The following PRIMPOL variants were observed in gnomAD, a reference collection of about 807,000 sequenced individuals.
PRIMPOL encodes the protein DNA-directed primase/polymerase protein.
Under a neutral mutation model 63.6 loss-of-function variants are expected in PRIMPOL, and 54 were observed. That is an observed-to-expected ratio of 0.85 (90% CI 0.68 to 1.07). The LOEUF is 1.07. Ranked by LOEUF, PRIMPOL falls within the 50% of genes least tolerant of loss-of-function variation. The pLI is 0.00. For synonymous variants in PRIMPOL, 197 were observed against 220.2 expected, an observed-to-expected ratio of 0.89 and a Z score of 0.93; for missense variants, 610 against 648.3, an observed-to-expected ratio of 0.94 and a Z score of 0.64.
intron 11 of PRIMPOL, among the ~76,000 whole-genome samples, chr4:184,689,094 G>A (rs1757769970): frequency 6.6e-6 from 1 of 151,984 alleles, no homozygotes; most frequent in South Asian, 2.1e-4. Flanking sequence ...GCCCAGGCTT[G>A]AGTGCAGTGT....
chr4:184,657,358 C>T (rs1746752963), intron 3 of PRIMPOL, 38 bp downstream of exon 3: 3 of 1,432,576 alleles, frequency 2.1e-6, no homozygotes, highest in Non-Finnish European at 2.9e-6. Flanking sequence ...TCCTCCTCTT[C>T]CACTTCCTCT....
At chr4:184,661,338 T>C (rs1748245855) in intron 4 of PRIMPOL, among the ~76,000 whole-genome samples, 1 of 152,020 alleles carries the variant, frequency 6.6e-6, no homozygotes, top group African/African-American at 2.4e-5. Context: ...CATGTTCTTA[T>C]TTCATACTTG....
intron 7 of PRIMPOL, among the ~76,000 whole-genome samples, chr4:184,675,161 A>C (rs947518979): frequency 6.6e-6 from 1 of 152,214 alleles, no homozygotes; most frequent in African/African-American, 2.4e-5. Context: ...TAGCAAGAGG[A>C]GGCGGCTAAG....
chr4:184,682,630 A>G (rs1041323184), intron 9 of PRIMPOL, among the ~76,000 whole-genome samples: 1 of 152,138 alleles, frequency 6.6e-6, no homozygotes, highest in Admixed American at 6.5e-5. Context: ...TTACAGGTGC[A>G]AGCCACTGCA....
intron 3 of PRIMPOL, among the ~76,000 whole-genome samples, chr4:184,658,258 A>G (rs775443319): frequency 1.3e-4 from 20 of 152,298 alleles, no homozygotes; most frequent in Non-Finnish European, 2.5e-4. Context: ...TCTCATGAGA[A>G]TGGTTTAAGA....
chr4:184,681,642 T>C (rs767345599), intron 8 of PRIMPOL, among the ~76,000 whole-genome samples: 1 of 152,206 alleles, frequency 6.6e-6, no homozygotes, highest in Non-Finnish European at 1.5e-5. Flanking sequence ...TGGTGCAATC[T>C]CAGCTCACTG....
intron 2 of PRIMPOL, among the ~76,000 whole-genome samples, chr4:184,655,229 C>T (rs919087884): frequency 4.6e-5 from 7 of 151,390 alleles, no homozygotes; most frequent in Non-Finnish European, 7.4e-5. Context: ...AGGCTGGTCT[C>T]GAACTCCTGA....
chr4:184,685,038 C>T (rs533831625), intron 9 of PRIMPOL, among the ~76,000 whole-genome samples: 1 of 152,182 alleles, frequency 6.6e-6, no homozygotes, highest in Admixed American at 6.5e-5. Context: ...TGTGAGATTG[C>T]CTGTGTTCAC....
rs761480385 is a variant in PRIMPOL, at chr4:184,672,213, G to A, written c.597G>A (p.Leu199=). Residue 199 remains leucine (L), a synonymous_variant, in exon 7 of 14, where the codon TTG becomes TTA. Transcript: ENST00000314970. ...AAATTTTGCAGCCTGCTCTTGACTT[G>A]CTTGGCAGTGAAGATGATGATAGCG... ...LRKILQPALD[L]LGSEDDDSAP... 9.3e-6 allele frequency: 15 copies of A among 1,612,572 alleles called. No individual in the cohort carries two copies. Among genetic ancestry groups the A allele is most frequent in the South Asian group, 2.2e-5 (2 of 90,614 alleles).
At chr4:184,656,329 A>G (rs1429061087) in intron 2 of PRIMPOL, among the ~76,000 whole-genome samples, 1 of 152,140 alleles carries the variant, frequency 6.6e-6, no homozygotes, top group Non-Finnish European at 1.5e-5. Flanking sequence ...TCTTGATGGG[A>G]AAAATGGCAA....
chr4:184,657,096 A>C lies in PRIMPOL; in HGVS notation c.-45A>C. The C allele has an allele frequency of 1.5e-6, 2 of 1,365,556 alleles. No individual in the cohort carries two copies. The highest frequency in any genetic ancestry group is 1.9e-6 in the Non-Finnish European group (2 of 1,028,452). The allele number at this position is 1,365,556 out of a possible 1,614,324, so 84.6% of individuals were successfully genotyped here. On this transcript the variant is annotated 5_prime_UTR_variant, in exon 3 of 14. Transcript: ENST00000314970. The stretch of plus-strand genomic sequence containing the variant: ...GTTTGTTTTAGTAGTAATTGATAGA[A>C]ATATTACGTGGGATAGGATTTATTC...
At chr4:184,686,738 G>A (rs1757065623) in intron 11 of PRIMPOL, among the ~76,000 whole-genome samples, 16 of 152,060 alleles carry the variant, frequency 1.1e-4, no homozygotes, top group Admixed American at 1.0e-3. Flanking sequence ...GAATGATCGG[G>A]AAGCTCTTGC....
chr4:184,676,371 T>TTC (rs1325949495), intron 7 of PRIMPOL, among the ~76,000 whole-genome samples: 6 of 22,332 alleles, frequency 2.7e-4, no homozygotes, highest in Non-Finnish European at 4.8e-4. Flanking sequence ...CTCCTTTCCC[T>TTC]TCCCTTCCCT....
chr4:184,657,112 G>A lies in PRIMPOL; in HGVS notation c.-29G>A. Reference sequence around the variant, plus strand: ...ATTGATAGAAATATTACGTGGGATAGGATTTATTCTCTCCACACTTCTGAA... The same window carrying A: ...ATTGATAGAAATATTACGTGGGATAAGATTTATTCTCTCCACACTTCTGAA... On this transcript the variant is annotated 5_prime_UTR_variant, in exon 3 of 14. Coordinates refer to ENST00000314970, the MANE Select transcript of PRIMPOL (RefSeq NM_152683.4). The A allele has an allele frequency of 6.7e-7, 1 of 1,486,256 alleles. No homozygotes were observed. The highest frequency in any genetic ancestry group is 9.0e-7 in the Non-Finnish European group (1 of 1,111,308). The allele number at this position is 1,486,256 out of a possible 1,614,324, so 92.1% of individuals were successfully genotyped here. A position where few individuals can be genotyped will look rare whatever the true frequency, so the allele number is the denominator to read the frequency against.
intron 8 of PRIMPOL, among the ~76,000 whole-genome samples, chr4:184,678,890 C>T (rs1035115309): frequency 5.3e-5 from 8 of 152,030 alleles, no homozygotes; most frequent in Admixed American, 2.0e-4. Context: ...AATAGTAAAA[C>T]GTATATTTGA....
chr4:184,694,423 C>T (rs1192789863), intron 13 of PRIMPOL, 99 bp from the exon 14 acceptor site: 1 of 1,389,174 alleles, frequency 7.2e-7, no homozygotes, highest in East Asian at 2.7e-5. Flanking sequence ...GTATCTGTCA[C>T]TTAATACCTT....
rs1758523738 is a variant in PRIMPOL, at chr4:184,691,515, A to G, written c.1312A>G (p.Lys438Glu). 6.2e-7 allele frequency: 1 copy of G among 1,601,964 alleles called. No homozygotes were observed. Among genetic ancestry groups the G allele is most frequent in the Admixed American group, 1.7e-5 (1 of 59,672 alleles). Residue 438 changes from lysine (K) to glutamate (E), a missense_variant, in exon 12 of 14, where the codon AAA (lysine) becomes GAA (glutamate). Physicochemically the swap from Lys to Glu is moderately conservative, Grantham distance 56. Around this residue, in one of 3 missense-constraint regions of PRIMPOL, gnomAD observed 444 missense variants for 456.4 expected, o/e 0.97. Coordinates refer to ENST00000314970, the MANE Select transcript of PRIMPOL (RefSeq NM_152683.4). The stretch of plus-strand genomic sequence containing the variant: ...AACATAAAGGATTCTGGTTGATCTG[A>G]AAAATGAAGTTTGGTATCAAAAATG... ...SNNIMILVDL[K>E]NEVWYQKCHD...
At chr4:184,689,061 T>C (rs1757752042) in intron 11 of PRIMPOL, among the ~76,000 whole-genome samples, 1 of 149,852 alleles carries the variant, frequency 6.7e-6, no homozygotes, top group African/African-American at 2.5e-5. Context: ...TTTCATTTTT[T>C]TGAGACAGGG....
At chr4:184,677,757 T>G (rs1754506570) in intron 7 of PRIMPOL, among the ~76,000 whole-genome samples, 1 of 152,220 alleles carries the variant, frequency 6.6e-6, no homozygotes, top group African/African-American at 2.4e-5. Flanking sequence ...ATATTGAGTC[T>G]TCCAATCTAT....
Sources: gnomAD v4.1 joint callset for allele counts (sites outside exome capture counted in the v4.1 genomes callset) on GRCh38, gnomAD v4.1.1 for gene constraint, gnomAD v4.1.1 regional missense constraint, MANE v1.5 for transcripts, NCBI Gene and HGNC (gene_info 2026-07-23, HGNC 2026-07-21) for gene names.